Variants in SIRT2 observed in about 807,000 individuals in gnomAD.
SIRT2 encodes sirtuin 2.
Under a neutral mutation model 57.4 loss-of-function variants are expected in SIRT2, and 40 were observed. The ratio of observed to expected loss-of-function variants is 0.70; its 90% CI spans 0.54 to 0.91. The LOEUF is 0.91. Among genes scored for constraint, SIRT2 ranks in the 40% least tolerant of loss-of-function variants. The pLI, the probability that SIRT2 is intolerant of heterozygous loss-of-function variation, is 0.00. For synonymous variants in SIRT2, 161 were observed against 195.7 expected (o/e 0.82, Z 1.48); for missense variants, 439 against 510.4 (o/e 0.86, Z 1.35).
chr19:38,889,882 C>T lies in SIRT2; in HGVS notation c.348G>A (p.Glu116=). ...TGAAATAGCTGATCTCAAAGATGGCCTCTGGGTAGGGAAGATGGTACTTCT... is the reference window on the plus strand; with the variant it reads ...TGAAATAGCTGATCTCAAAGATGGCTTCTGGGTAGGGAAGATGGTACTTCT... ...NLEKYHLPYP[E]AIFEISYFKK... Residue 116 remains glutamate (E), a synonymous_variant, in exon 6 of 16, where the codon GAG becomes GAA. Coordinates refer to ENST00000249396, the MANE Select transcript of SIRT2 (RefSeq NM_012237.4). 6.2e-7 allele frequency: 1 copy of T among 1,614,156 alleles called. No homozygotes were observed. Among genetic ancestry groups the T allele is most frequent in the East Asian group, 2.2e-5 (1 of 44,872 alleles).
Position 38,879,714 on chromosome 19 carries a change from G to T in SIRT2, c.877-12C>A, listed in dbSNP as rs199613421. On this transcript the variant is annotated splice_polypyrimidine_tract_variant and intron_variant, in intron 13 of 15. Coordinates refer to ENST00000249396, the MANE Select transcript of SIRT2 (RefSeq NM_012237.4). ...AGGAAAGGGTCCGACTGTCAGGGAG[G>T]GGGTGGGTCAGGGGCAGGAGCAGGG... 45 of 1,560,174 alleles carry T rather than the reference G, an allele frequency of 2.9e-5. No homozygotes were observed. The South Asian group carries it at 3.7e-4, about 13-fold the overall frequency.
intron 4 of SIRT2, among the ~76,000 whole-genome samples, chr19:38,892,655 C>A (rs1973577944): frequency 1.3e-5 from 2 of 152,020 alleles, no homozygotes; most frequent in Non-Finnish European, 2.9e-5. Context: ...CTCACTGCAG[C>A]CTCCAATTCC....
intron 1 of SIRT2, chr19:38,898,645 C>A (rs1281720270): frequency 1.8e-5 from 7 of 386,840 alleles, no homozygotes; most frequent in Middle Eastern, 6.5e-4. Flanking sequence ...GGCAGAGAGG[C>A]TGGAGAGGAA....
intron 4 of SIRT2, among the ~76,000 whole-genome samples, chr19:38,892,632 G>A (rs1264606711): frequency 6.6e-6 from 1 of 152,006 alleles, no homozygotes; most frequent in African/African-American, 2.4e-5. Flanking sequence ...GCAGTGCAGT[G>A]GTGCCATCAT....
chr19:38,890,114 C>T lies in SIRT2; in HGVS notation c.257G>A (p.Gly86Glu). 1 of 1,614,152 alleles carries T rather than the reference C, an allele frequency of 6.2e-7. No homozygotes were observed. Among genetic ancestry groups the T allele is most frequent in the Non-Finnish European group, 8.5e-7 (1 of 1,180,022 alleles). The part of the protein sequence containing the change: ...CRRVICLVGA[G>E]ISTSAGIPDF... ...GAAGGGTTACTTACATGTGGAGATT[C>T]CAGCTCCCACCAAACAGATGACTCT... Residue 86 changes from glycine to glutamate, a missense_variant, in exon 5 of 16, where the codon GGA (glycine) becomes GAA (glutamate). Gly to Glu is a moderately conservative substitution (Grantham distance 98). Transcript: ENST00000249396.
intron 7 of SIRT2, 102 bp from the exon 8 acceptor site, chr19:38,889,257 C>T: frequency 8.9e-7 from 1 of 1,121,202 alleles, no homozygotes; most frequent in Non-Finnish European, 1.4e-6. Flanking sequence ...GTTTTACCCC[C>T]AGGGAACCGT....
intron 4 of SIRT2, among the ~76,000 whole-genome samples, chr19:38,891,297 C>A (rs1436131067): frequency 6.6e-6 from 1 of 152,112 alleles, no homozygotes; most frequent in Non-Finnish European, 1.5e-5. Flanking sequence ...TCCTGTAATC[C>A]CAGCACTTTG....
At chr19:38,884,574 A>T (rs1973267030) in intron 8 of SIRT2, among the ~76,000 whole-genome samples, 1 of 151,620 alleles carries the variant, frequency 6.6e-6, no homozygotes, top group Non-Finnish European at 1.5e-5. Flanking sequence ...TCAGTCTCCC[A>T]AGTAGCTGGG....
At chr19:38,893,775 G>T in intron 3 of SIRT2, 44 bp downstream of exon 3, 2 of 1,424,212 alleles carry the variant, frequency 1.4e-6, no homozygotes, top group Non-Finnish European at 2.0e-6. Context: ...AAATCCCCCC[G>T]CCCCCCAGAA....
Position 38,878,968 on chromosome 19 carries a change from G to A in SIRT2, c.*187C>T, listed in dbSNP as rs1310181606. 7 of 570,030 alleles carry A rather than the reference G, an allele frequency of 1.2e-5. No homozygotes were observed. The highest frequency in any genetic ancestry group is 2.1e-5 in the Non-Finnish European group (7 of 334,018). The allele number at this position is 570,030 out of a possible 1,614,324, so 35.3% of individuals were successfully genotyped here. On this transcript the variant is annotated 3_prime_UTR_variant, in exon 16 of 16. Coordinates refer to ENST00000249396, the MANE Select transcript of SIRT2 (RefSeq NM_012237.4). ...CCTGTTTAAGCCTTGGCCTCTAGGA[G>A]GTGTTAGAGATTTGCTGGGGTTGGG...
chr19:38,896,201 G>A (rs1430916803), intron 2 of SIRT2, among the ~76,000 whole-genome samples: 1 of 152,120 alleles, frequency 6.6e-6, no homozygotes, highest in Non-Finnish European at 1.5e-5. Context: ...ATAACTTGCG[G>A]CACTCACCTT....
chr19:38,893,725 C>T, intron 3 of SIRT2, 94 bp downstream of exon 3: 5 of 1,479,668 alleles, frequency 3.4e-6, no homozygotes, highest in Non-Finnish European at 3.7e-6. Context: ...GATGTCACTC[C>T]TGATGGAGTT....
In SIRT2 at chr19:38,879,521, A is replaced by G. The variant is rs371129449; in HGVS notation, c.948-21T>C. ...CGTCCCTGCGGTGCAGCAGGAGATC[A>G]GAGTTCCCAGGCGGGCTCGCCCCTG... On this transcript the variant is annotated intron_variant, in intron 14 of 15. Coordinates refer to ENST00000249396, the MANE Select transcript of SIRT2 (RefSeq NM_012237.4). 35 of 1,596,126 alleles carry G rather than the reference A, an allele frequency of 2.2e-5. No individual in the cohort carries two copies. The African/African-American group carries it at 2.9e-4, about 13-fold the overall frequency.
chr19:38,881,443 A>G lies in SIRT2; in HGVS notation c.680T>C (p.Leu227Pro), dbSNP rs1568395800. Residue 227 changes from leucine (L) to proline (P), a missense_variant, in exon 10 of 16, where the codon CTG (leucine) becomes CCG (proline). Coordinates refer to ENST00000249396, the MANE Select transcript of SIRT2 (RefSeq NM_012237.4). The part of the protein sequence containing the change: ...VTPKCEDCQS[L>P]VKPDIVFFGE... ...GGCCAGAGGCTCACCAGGCTTCACC[A>G]GGCTCTGACAGTCTTCACACTTGGG... 6.2e-7 allele frequency: 1 copy of G among 1,613,908 alleles called. No individual in the cohort carries two copies. Among genetic ancestry groups the G allele is most frequent in the Admixed American group, 1.7e-5 (1 of 59,992 alleles).
At position 38,898,420 on chromosome 19, in the gene SIRT2, G is replaced by A. The variant is rs774995182; in HGVS notation, c.22C>T (p.His8Tyr). Reference protein sequence around the residue: MAEPDPSHPLETQAGKVQ... With the variant: MAEPDPSYPLETQAGKVQ... ...TTCCCTGCCTGGGTCTCCAGAGGGT[G>A]AGAGGCTGGGGGAGGGGAGCAGAGG... The change falls in exon 2 of 16, where the codon CAC (histidine) becomes TAC (tyrosine). Residue 8 changes from histidine (H) to tyrosine (Y), a missense_variant. Physicochemically the swap from His to Tyr is moderately conservative, Grantham distance 83. Coordinates refer to ENST00000249396, the MANE Select transcript of SIRT2 (RefSeq NM_012237.4). The A allele has an allele frequency of 6.5e-7, 1 of 1,548,308 alleles. No individual in the cohort carries two copies. Among genetic ancestry groups the A allele is most frequent in the Non-Finnish European group, 8.8e-7 (1 of 1,138,402 alleles).
chr19:38,889,732 G>T lies in SIRT2; in HGVS notation c.389C>A (p.Pro130His). 1 of 1,614,124 alleles carries T rather than the reference G, an allele frequency of 6.2e-7. No homozygotes were observed. Among genetic ancestry groups the T allele is most frequent in the Non-Finnish European group, 8.5e-7 (1 of 1,180,010 alleles). ...GAGTTCCTTGGCGAGGGCGAAGAAG[G>T]GTTCCGGATGTTTCTGTAGGAGAGA... is the stretch of plus-strand genomic sequence containing the variant. ...EISYFKKHPEPFFALAKELYP... is the reference protein window; with the variant it reads ...EISYFKKHPEHFFALAKELYP... The change falls in exon 7 of 16, where the codon CCC becomes CAC. Residue 130 changes from proline (P) to histidine (H), a missense_variant. By Grantham distance (77) the Pro-to-His change is moderately conservative. Coordinates refer to ENST00000249396, the MANE Select transcript of SIRT2 (RefSeq NM_012237.4).
At chr19:38,884,457 T>C (rs1475987571) in intron 8 of SIRT2, among the ~76,000 whole-genome samples, 2 of 151,146 alleles carry the variant, frequency 1.3e-5, no homozygotes, top group African/African-American at 4.9e-5. Context: ...TGTTTGTTTG[T>C]TTGTTTTTTG....
intron 2 of SIRT2, 70 bp downstream of exon 2, chr19:38,898,309 A>AC: frequency 8.2e-7 from 1 of 1,225,276 alleles, no homozygotes; most frequent in Non-Finnish European, 1.1e-6. Context: ...CCCCTTTGCC[A>AC]CCTCCCCCCA....
At chr19:38,881,999 G>C (rs1377625897) in intron 9 of SIRT2, among the ~76,000 whole-genome samples, 1 of 150,238 alleles carries the variant, frequency 6.7e-6, no homozygotes, top group Admixed American at 6.6e-5. Context: ...TTATTGGTTT[G>C]TTTGTTTTTT....
Sources: allele counts gnomAD v4.1 joint callset (sites outside exome capture counted in the v4.1 genomes callset), GRCh38; gene constraint gnomAD v4.1.1; transcripts MANE v1.5; gene names NCBI Gene and HGNC (gene_info 2026-07-23, HGNC 2026-07-21).